PCF11: variants seen among roughly 807,000 people sequenced by gnomAD.
PCF11 encodes the protein PCF11 cleavage and polyadenylation factor subunit.
Under a neutral mutation model 166.1 loss-of-function variants are expected in PCF11, and 19 were observed. The ratio of observed to expected loss-of-function variants is 0.11; its 90% CI spans 0.08 to 0.17. The LOEUF is 0.17. PCF11 is among the 10% of genes least tolerant of loss of function. The pLI is 1.00. For synonymous variants in PCF11, 663 were observed against 644.1 expected (o/e 1.03, Z -0.44); for missense variants, 1,565 against 1,855.5 (o/e 0.84, Z 2.88).
intron 11 of PCF11, chr11:83,180,438 G>A (rs1861049205): frequency 6.7e-6 from 1 of 150,198 alleles, no homozygotes; most frequent in Non-Finnish European, 1.5e-5. Context: ...TCACTTACTT[G>A]GTCTTCTATA....
chr11:83,173,482 A>G (rs1590932452), intron 9 of PCF11, among the ~76,000 whole-genome samples: 1 of 151,366 alleles, frequency 6.6e-6, no homozygotes, highest in Non-Finnish European at 1.5e-5. Context: ...CAAAAAAAAA[A>G]CATGATATGG....
intron 9 of PCF11, 52 bp from the exon 10 acceptor site, chr11:83,177,033 T>C (rs1398205646): frequency 1.7e-5 from 22 of 1,329,952 alleles, no homozygotes; most frequent in Middle Eastern, 2.1e-4. Context: ...ATCTTTAAGT[T>C]CTACATTCAC....
intron 8 of PCF11, chr11:83,171,177 G>T: frequency 2.6e-6 from 1 of 388,710 alleles, no homozygotes; most frequent in Non-Finnish European, 5.1e-6. Flanking sequence ...CTTGCTCCAT[G>T]ACTATTCTGT....
rs548714618 is a variant in PCF11 at position 83,179,745 on chromosome 11, T to C, written c.3984-1263T>C. On this transcript the variant is annotated intron_variant, in intron 11 of 15. Transcript: ENST00000298281. ...ATGGTAACATGTCTCTACTAGAACCTGTCTCTACTAGAAATACTAAAATTA... is the reference window on the plus strand; with the variant it reads ...ATGGTAACATGTCTCTACTAGAACCCGTCTCTACTAGAAATACTAAAATTA... Among the ~76,000 whole-genome samples, 7 of 151,880 alleles carry C rather than the reference T, an allele frequency of 4.6e-5. No homozygotes were observed. The South Asian group carries it at 1.0e-3, about 23-fold the overall frequency.
chr11:83,167,941 C>G lies in PCF11; in HGVS notation c.2092+436C>G, dbSNP rs1300510169. 1 of 1,240,670 alleles carries G rather than the reference C, an allele frequency of 8.1e-7. No individual in the cohort carries two copies. Among genetic ancestry groups the G allele is most frequent in the Non-Finnish European group, 1.0e-6 (1 of 965,964 alleles). The allele number at this position is 1,240,670 out of a possible 1,614,324, so 76.9% of individuals were successfully genotyped here. A position where few individuals can be genotyped will look rare whatever the true frequency, so the allele number is the denominator to read the frequency against. On this transcript the variant is annotated intron_variant, in intron 7 of 15. Coordinates refer to ENST00000298281, the Ensembl canonical transcript of PCF11. The surrounding 1 kb of genome is among the most constrained non-coding windows in gnomAD (Gnocchi z 4.2). ...AGATTATGCCTATTGAATCACACAG[C>G]AGTGAAGGGAAAATGAACAAGCTAA...
At chr11:83,173,899 T>C (rs1041010878) in intron 9 of PCF11, among the ~76,000 whole-genome samples, 1 of 151,780 alleles carries the variant, frequency 6.6e-6, no homozygotes, top group African/African-American at 2.4e-5. Context: ...CCTGGCTAAT[T>C]TTTGTATTTT....
chr11:83,163,780 A>G lies in PCF11; in HGVS notation c.420A>G (p.Ser140=), dbSNP rs768841751. ...ATGCCCTGGATGTCAGAGTCAATTC[A>G]TTAGATCCTGCTTGGCCTATTAAAC... is the stretch of plus-strand genomic sequence containing the variant. Residue 140 remains serine, a synonymous_variant, in exon 3 of 16, where the codon TCA becomes TCG. Coordinates refer to ENST00000298281, the Ensembl canonical transcript of PCF11. 6.8e-5 allele frequency: 109 copies of G among 1,595,814 alleles called. 1 individual carries two copies. Among genetic ancestry groups the G allele is most frequent in the South Asian group, 6.5e-4 (58 of 89,898 alleles).
In PCF11 at chr11:83,163,885, T is replaced by G. The variant is rs780761495; in HGVS notation, c.507+18T>G. Reference sequence around the variant, plus strand: ...ATAAATCGGTAAGTTTTAATATGAATAGTAAGTAACATACTTTTAAGTATC... The same window carrying G: ...ATAAATCGGTAAGTTTTAATATGAAGAGTAAGTAACATACTTTTAAGTATC... On this transcript the variant is annotated intron_variant, in intron 3 of 15. Transcript: ENST00000298281. 1.7e-6 allele frequency: 2 copies of G among 1,154,222 alleles called. No individual in the cohort carries two copies. The highest frequency in any genetic ancestry group is 3.3e-5 in the South Asian group (2 of 61,064). The allele number at this position is 1,154,222 out of a possible 1,614,324, so 71.5% of individuals were successfully genotyped here. A position where few individuals can be genotyped will look rare whatever the true frequency, so the allele number is the denominator to read the frequency against.
At chr11:83,157,552 A>G in exon 1 of PCF11, 1 of 1,614,010 alleles carries the variant, frequency 6.2e-7, no homozygotes, top group Non-Finnish European at 8.5e-7. Context: ...CCGCACATCA[A>G]TATGCTGACC....
At chr11:83,163,315 G>A (rs1860326612) in intron 2 of PCF11, among the ~76,000 whole-genome samples, 2 of 151,996 alleles carry the variant, frequency 1.3e-5, no homozygotes, top group Admixed American at 1.3e-4. Flanking sequence ...AAGCCATCAG[G>A]TAATCAATTT....
In PCF11 at chr11:83,182,531, G is replaced by GTT; in HGVS notation, c.4416+46_4416+47dup. 3.0e-6 allele frequency: 3 copies of GTT among 1,001,176 alleles called. No individual in the cohort carries two copies. The South Asian group carries it at 4.1e-5, about 14-fold the overall frequency. The allele number at this position is 1,001,176 out of a possible 1,614,324, so 62.0% of individuals were successfully genotyped here. ...TTTATAAGGAAGTGTTAAGATTAGT[G>GTT]TTTTTTTGTTGGGTTAACACATTAC... On this transcript the variant is annotated intron_variant, in intron 14 of 15. Transcript: ENST00000298281.
intron 9 of PCF11, among the ~76,000 whole-genome samples, chr11:83,176,669 C>A (rs368263343): frequency 1.3e-5 from 2 of 151,052 alleles, no homozygotes; most frequent in East Asian, 3.9e-4. Flanking sequence ...GGGAACATCA[C>A]ACACCAGGCA....
chr11:83,181,770 C>A, intron 12 of PCF11, 84 bp from the exon 13 acceptor site: 1 of 888,144 alleles, frequency 1.1e-6, no homozygotes. Flanking sequence ...TATACCCCTA[C>A]CTTTAAATGG....
chr11:83,167,236 A>T lies in PCF11; in HGVS notation c.1929A>T (p.Arg643=). 1 of 1,613,868 alleles carries T rather than the reference A, an allele frequency of 6.2e-7. No homozygotes were observed. Among genetic ancestry groups the T allele is most frequent in the Non-Finnish European group, 8.5e-7 (1 of 1,179,774 alleles). Reference sequence around the variant, plus strand: ...GAGCCCCAAAGCAGCAACAGCATCGATTAAGTGTAGATGCCAATCTTCAGA... The same window carrying T: ...GAGCCCCAAAGCAGCAACAGCATCGTTTAAGTGTAGATGCCAATCTTCAGA... The change falls in exon 6 of 16, where the codon CGA becomes CGT. Residue 643 remains arginine (R), a synonymous_variant. Transcript: ENST00000298281. The surrounding 1 kb of genome is among the most constrained non-coding windows in gnomAD (Gnocchi z 4.2).
chr11:83,178,669 C>G (rs556225844), intron 11 of PCF11, among the ~76,000 whole-genome samples: 2 of 151,730 alleles, frequency 1.3e-5, no homozygotes, highest in African/African-American at 2.4e-5. Flanking sequence ...AAAAATTAGC[C>G]GGGCGCAGTG....
chr11:83,166,841 CTG>C (rs762989075), intron 5 of PCF11, 127 bp downstream of exon 5: 2 of 814,930 alleles, frequency 2.5e-6, no homozygotes, highest in Non-Finnish European at 1.9e-6. Flanking sequence ...TCTTACATCT[CTG>C]TGGGTTAAAT....
At chr11:83,166,010 C>T in exon 5 of PCF11, 1 of 1,601,684 alleles carries the variant, frequency 6.2e-7, no homozygotes, top group Non-Finnish European at 8.5e-7. Flanking sequence ...CGAAATCACC[C>T]TCACCTTTGA....
chr11:83,163,396 G>A, intron 2 of PCF11, among the ~76,000 whole-genome samples: 1 of 151,864 alleles, frequency 6.6e-6, no homozygotes, highest in South Asian at 2.1e-4. Context: ...CAGAGAAAGA[G>A]TAACTTTAGG....
chr11:83,182,672 T>C (rs1861124533), intron 14 of PCF11, among the ~76,000 whole-genome samples, 181 bp downstream of exon 14: 1 of 152,208 alleles, frequency 6.6e-6, no homozygotes, highest in African/African-American at 2.4e-5. Flanking sequence ...GTCACCCGGT[T>C]CTGTACACTT....
Sources: gnomAD v4.1 joint callset for allele counts (sites outside exome capture counted in the v4.1 genomes callset) on GRCh38, gnomAD v4.1.1 for gene constraint, Gnocchi (gnomAD v3.1) non-coding constraint, MANE v1.5 for transcripts, NCBI Gene and HGNC (gene_info 2026-07-23, HGNC 2026-07-21) for gene names.